Variants in NEK11 observed in about 807,000 individuals in gnomAD.
The protein encoded by NEK11 is serine/threonine-protein kinase Nek11.
Under a neutral mutation model 80.7 loss-of-function variants are expected in NEK11, and 72 were observed. The observed-to-expected ratio is 0.89, with a 90% CI of 0.74 to 1.08. NEK11 has a LOEUF of 1.08. Ranked by LOEUF, NEK11 falls within the 50% of genes least tolerant of loss-of-function variation. The pLI, the probability that NEK11 is intolerant of heterozygous loss-of-function variation, is 0.00. For synonymous variants in NEK11, 251 were observed against 260.7 expected, an observed-to-expected ratio of 0.96 and a Z score of 0.36; for missense variants, 764 against 763.6, an observed-to-expected ratio of 1.00 and a Z score of -0.01.
At chr3:131,039,761 A>C (rs879335702) in intron 3 of NEK11, among the ~76,000 whole-genome samples, 6 of 152,212 alleles carry the variant, frequency 3.9e-5, no homozygotes, top group Admixed American at 2.0e-4. Flanking sequence ...CTCAAGTTAA[A>C]ATTAGTTTCT....
intron 16 of NEK11, among the ~76,000 whole-genome samples, chr3:131,255,046 GAGAGAGAC>G (rs1377555334): frequency 1.3e-4 from 15 of 114,676 alleles, no homozygotes; most frequent in South Asian, 3.1e-4. Flanking sequence ...GAGAGAGAGA[GAGAGAGAC>G]AGACAGACAG....
intron 17 of NEK11, among the ~76,000 whole-genome samples, chr3:131,324,567 T>A (rs2096936516): frequency 6.6e-6 from 1 of 152,216 alleles, no homozygotes; most frequent in Non-Finnish European, 1.5e-5. Flanking sequence ...AAATTGACTC[T>A]TCAAAAATGA....
At position 131,143,285 on chromosome 3, in the gene NEK11, A is replaced by T. The variant is rs190930886; in HGVS notation, c.648-9103A>T. On this transcript the variant is annotated intron_variant, in intron 7 of 17. Transcript: ENST00000383366. ...TGCTGGGTTTAATTGCTATGCTTAG[A>T]TTGGTCCACTTTAGATAGTTTGAGG... Among the ~76,000 whole-genome samples, 953 of 152,138 alleles carry T rather than the reference A, an allele frequency of 6.3e-3. 4 individuals carry two copies. The highest frequency in any genetic ancestry group is 0.037 in the Middle Eastern group (11 of 294).
At chr3:131,046,528 C>T (rs1007802149) in intron 3 of NEK11, among the ~76,000 whole-genome samples, 1 of 150,536 alleles carries the variant, frequency 6.6e-6, no homozygotes, top group African/African-American at 2.4e-5. Context: ...CCTCACAGCT[C>T]TTTTTTTCCC....
intron 14 of NEK11, among the ~76,000 whole-genome samples, chr3:131,202,512 C>T (rs2094278865): frequency 6.6e-6 from 1 of 152,012 alleles, no homozygotes; most frequent in African/African-American, 2.4e-5. Context: ...GATCAAACTG[C>T]GAGGTGGCAA....
intron 13 of NEK11, 25 bp downstream of exon 13, chr3:131,168,962 A>G: frequency 6.4e-7 from 1 of 1,572,210 alleles, no homozygotes. Flanking sequence ...ATTCACAAGC[A>G]CAAAAGTGAG....
intron 5 of NEK11, among the ~76,000 whole-genome samples, chr3:131,121,045 T>G (rs1014093491): frequency 1.3e-5 from 2 of 152,236 alleles, no homozygotes; most frequent in Non-Finnish European, 2.9e-5. Flanking sequence ...TGAGTTCCTT[T>G]GGAGGAGAAG....
Position 131,070,068 on chromosome 3 carries a change from A to G in NEK11, c.171-10355A>G, listed in dbSNP as rs540258302. Among the ~76,000 whole-genome samples, 10 of 152,338 alleles carry G rather than the reference A, an allele frequency of 6.6e-5. No homozygotes were observed. In the South Asian group the frequency reaches 2.1e-3, roughly 32 times the overall value. ...CACTAATTTTAAATTTGGAGCATAT[A>G]ATAATTGTAACAGAAGCTAACCAAA... On this transcript the variant is annotated intron_variant, in intron 3 of 17. Coordinates refer to ENST00000383366, the MANE Select transcript of NEK11 (RefSeq NM_024800.5).
intron 17 of NEK11, among the ~76,000 whole-genome samples, chr3:131,331,457 A>T (rs1207592411): frequency 6.6e-6 from 1 of 152,226 alleles, no homozygotes; most frequent in Non-Finnish European, 1.5e-5. Flanking sequence ...ATTAATAGAT[A>T]TTAAAAATCA....
At chr3:131,204,817 C>T (rs2094394361) in intron 14 of NEK11, among the ~76,000 whole-genome samples, 1 of 151,856 alleles carries the variant, frequency 6.6e-6, no homozygotes, top group African/African-American at 2.4e-5. Context: ...AGTAGGCATG[C>T]CTTGGGCTTT....
chr3:131,232,117 A>G (rs930189886), intron 15 of NEK11, among the ~76,000 whole-genome samples: 8 of 152,112 alleles, frequency 5.3e-5, no homozygotes, highest in Admixed American at 4.6e-4. Context: ...AGCATCAATA[A>G]AACCTTTATC....
chr3:131,115,987 T>C (rs1319725395), intron 5 of NEK11, among the ~76,000 whole-genome samples: 1 of 144,538 alleles, frequency 6.9e-6, no homozygotes, highest in African/African-American at 2.6e-5. Flanking sequence ...TCTTTCTTTC[T>C]TTATTATACT....
chr3:131,279,458 G>GTA (rs1430254181), intron 17 of NEK11, among the ~76,000 whole-genome samples: 7 of 152,106 alleles, frequency 4.6e-5, no homozygotes, highest in Middle Eastern at 3.2e-3. Flanking sequence ...ATTTTGATTT[G>GTA]TATACAATAA....
chr3:131,333,233 C>T (rs1242705277), intron 17 of NEK11, among the ~76,000 whole-genome samples: 7 of 152,238 alleles, frequency 4.6e-5, no homozygotes, highest in Middle Eastern at 3.4e-3. Flanking sequence ...TCGGGTTACC[C>T]ACAAAGGGAA....
intron 14 of NEK11, among the ~76,000 whole-genome samples, chr3:131,217,699 G>A (rs2094889757): frequency 6.6e-6 from 1 of 151,964 alleles, no homozygotes; most frequent in South Asian, 2.1e-4. Context: ...CTGGAACAGG[G>A]CCAAAGCCCT....
At chr3:131,279,803 C>G (rs1268976434) in intron 17 of NEK11, among the ~76,000 whole-genome samples, 1 of 152,196 alleles carries the variant, frequency 6.6e-6, no homozygotes, top group Non-Finnish European at 1.5e-5. Context: ...TAACTTCATT[C>G]TCCACAGAAC....
Position 131,336,579 on chromosome 3 carries a change from C to T in NEK11, c.1719-12978C>T, listed in dbSNP as rs553295941. Among the ~76,000 whole-genome samples the T allele has an allele frequency of 1.1e-3, 169 of 152,268 alleles. 7 individuals carry two copies. Among genetic ancestry groups the T allele is most frequent in the Admixed American group, 8.9e-3 (136 of 15,294 alleles). On this transcript the variant is annotated intron_variant, in intron 17 of 17. Coordinates refer to ENST00000383366, the MANE Select transcript of NEK11 (RefSeq NM_024800.5). ...GTGGGCAAGGACTTCATGTCTAAAA[C>T]ACCAAAAGCAATGGCAACAAAAGCC...
intron 17 of NEK11, among the ~76,000 whole-genome samples, chr3:131,335,220 A>G (rs1303873461): frequency 1.8e-4 from 28 of 152,380 alleles, no homozygotes; most frequent in Admixed American, 3.3e-4. Context: ...AAAATCCTCA[A>G]TAAAATACTG....
chr3:131,323,332 G>A (rs940743887), intron 17 of NEK11, among the ~76,000 whole-genome samples: 1 of 152,222 alleles, frequency 6.6e-6, no homozygotes, highest in Non-Finnish European at 1.5e-5. Flanking sequence ...TCTGTCAAGA[G>A]CAGGTGTCAG....
Sources: gnomAD v4.1 joint callset for allele counts (sites outside exome capture counted in the v4.1 genomes callset) on GRCh38, gnomAD v4.1.1 for gene constraint, MANE v1.5 for transcripts, NCBI Gene and HGNC (gene_info 2026-07-23, HGNC 2026-07-21) for gene names.